The following SLX4IP variants were observed in gnomAD, a reference collection of about 807,000 sequenced individuals.
SLX4IP encodes the protein protein SLX4IP.
A neutral mutation model predicts 32.9 loss-of-function variants in SLX4IP; 34 were observed. The observed-to-expected ratio is 1.03, with a 90% CI of 0.79 to 1.38. The LOEUF is 1.38. SLX4IP is among the 40% of genes most tolerant of loss of function. The pLI, the probability that SLX4IP is intolerant of heterozygous loss-of-function variation, is 0.00. For missense variants in SLX4IP, 444 were observed against 479.0 expected (o/e 0.93, Z 0.68); for synonymous variants, 172 against 171.7 (o/e 1.00, Z -0.01).
chr20:10,591,645 C>G (rs2066711278), intron 4 of SLX4IP, among the ~76,000 whole-genome samples: 1 of 152,098 alleles, frequency 6.6e-6, no homozygotes, highest in African/African-American at 2.4e-5. Context: ...TATAAGTACA[C>G]AGTATTATAT....
At chr20:10,555,984 A>C (rs749940644) in intron 2 of SLX4IP, among the ~76,000 whole-genome samples, 11 of 152,192 alleles carry the variant, frequency 7.2e-5, no homozygotes, top group Non-Finnish European at 1.5e-4. Context: ...GCCCAGAGAC[A>C]GATATTTTGT....
intron 1 of SLX4IP, among the ~76,000 whole-genome samples, chr20:10,436,038 A>ATT (rs5840375): frequency 2.8e-4 from 43 of 151,512 alleles, no homozygotes; most frequent in Middle Eastern, 3.4e-3. Flanking sequence ...CCCCTGAACT[A>ATT]TTTTTTTTTA....
chr20:10,529,653 T>A (rs569155998), intron 2 of SLX4IP, among the ~76,000 whole-genome samples: 21 of 151,946 alleles, frequency 1.4e-4, no homozygotes, highest in African/African-American at 4.6e-4. Flanking sequence ...TCTTTTTTTT[T>A]AAATCCTACT....
chr20:10,553,324 T>C (rs974655772), intron 2 of SLX4IP, among the ~76,000 whole-genome samples: 6 of 152,238 alleles, frequency 3.9e-5, no homozygotes, highest in African/African-American at 1.4e-4. Flanking sequence ...AATGCCTTAA[T>C]AAACAAGGAC....
chr20:10,464,914 TACGTAGC>T (rs2065367409), intron 2 of SLX4IP, among the ~76,000 whole-genome samples: 1 of 152,148 alleles, frequency 6.6e-6, no homozygotes, highest in Non-Finnish European at 1.5e-5. Flanking sequence ...CTTGGCCTCC[TACGTAGC>T]TGGGACTACA....
chr20:10,623,458 G>C lies in SLX4IP; in HGVS notation c.*79G>C. 1.3e-6 allele frequency: 2 copies of C among 1,504,036 alleles called. No homozygotes were observed. Among genetic ancestry groups the C allele is most frequent in the South Asian group, 1.4e-5 (1 of 73,500 alleles). The allele number at this position is 1,504,036 out of a possible 1,614,324, so 93.2% of individuals were successfully genotyped here. On this transcript the variant is annotated 3_prime_UTR_variant, in exon 8 of 8. Coordinates refer to ENST00000334534, the MANE Select transcript of SLX4IP (RefSeq NM_001009608.3). ...CAAGAGAGCTGCGAATATAGATGCC[G>C]GGATTTTAAAGGAATTAATTAGAAT...
intron 2 of SLX4IP, among the ~76,000 whole-genome samples, chr20:10,462,189 C>T (rs1447019135): frequency 6.6e-6 from 1 of 151,858 alleles, no homozygotes. Context: ...AGGAGAAAAC[C>T]ACAAGAAAAT....
intron 1 of SLX4IP, 81 bp downstream of exon 1, chr20:10,435,534 T>C (rs758822947): frequency 1.3e-5 from 2 of 152,294 alleles, no homozygotes; most frequent in Admixed American, 6.5e-5. Flanking sequence ...CTCCTGGTTT[T>C]TGGCTTTGAT....
chr20:10,460,851 ATCTG>A (rs1304035789), intron 2 of SLX4IP, among the ~76,000 whole-genome samples: 1 of 152,134 alleles, frequency 6.6e-6, no homozygotes, highest in South Asian at 2.1e-4. Flanking sequence ...CTTCTTGGTT[ATCTG>A]TCTTTCTTCT....
chr20:10,459,906 A>G (rs2065322178), intron 2 of SLX4IP, among the ~76,000 whole-genome samples: 2 of 152,362 alleles, frequency 1.3e-5, no homozygotes, highest in East Asian at 1.9e-4. Context: ...TAGTCTTACC[A>G]TAAGTGCAAG....
chr20:10,538,673 A>G (rs771444017), intron 2 of SLX4IP, among the ~76,000 whole-genome samples: 13 of 151,900 alleles, frequency 8.6e-5, no homozygotes, highest in Non-Finnish European at 1.6e-4. Flanking sequence ...CTACATGTGC[A>G]TGTCACCATG....
chr20:10,487,150 C>A (rs1461341092), intron 2 of SLX4IP, among the ~76,000 whole-genome samples: 1 of 152,104 alleles, frequency 6.6e-6, no homozygotes. Context: ...ACAAAAACAA[C>A]AACAACAAAA....
At chr20:10,539,902 G>A (rs1346639278) in intron 2 of SLX4IP, among the ~76,000 whole-genome samples, 1 of 152,146 alleles carries the variant, frequency 6.6e-6, no homozygotes, top group Non-Finnish European at 1.5e-5. Context: ...TGCCAGGGTT[G>A]CAAACCACTC....
At chr20:10,457,825 C>T (rs182612415) in intron 1 of SLX4IP, among the ~76,000 whole-genome samples, 1 of 150,930 alleles carries the variant, frequency 6.6e-6, no homozygotes, top group Admixed American at 6.6e-5. Flanking sequence ...GCCATCTGAG[C>T]CTGTGCTTTT....
chr20:10,525,681 T>G (rs900522865), intron 2 of SLX4IP, among the ~76,000 whole-genome samples: 2 of 152,198 alleles, frequency 1.3e-5, no homozygotes, highest in African/African-American at 4.8e-5. Context: ...TTCCAAGAAA[T>G]ATTTTCCCAC....
At chr20:10,581,487 T>G (rs1455191014) in intron 4 of SLX4IP, among the ~76,000 whole-genome samples, 2 of 152,164 alleles carry the variant, frequency 1.3e-5, no homozygotes, top group African/African-American at 4.8e-5. Context: ...TTATTACCCT[T>G]GATTGTGTGG....
chr20:10,508,234 C>G (rs76102321), intron 2 of SLX4IP, among the ~76,000 whole-genome samples: 1 of 152,198 alleles, frequency 6.6e-6, no homozygotes, highest in Non-Finnish European at 1.5e-5. Context: ...GCCTACTTGG[C>G]GAGCACCTAG....
At chr20:10,544,824 A>G (rs1034218080) in intron 2 of SLX4IP, among the ~76,000 whole-genome samples, 1 of 152,062 alleles carries the variant, frequency 6.6e-6, no homozygotes, top group Non-Finnish European at 1.5e-5. Flanking sequence ...CTGTTGTATT[A>G]CATGGTGAAA....
chr20:10,623,114 G>A lies in SLX4IP; in HGVS notation c.962G>A (p.Arg321Lys). 1 of 1,614,206 alleles carries A rather than the reference G, an allele frequency of 6.2e-7. No homozygotes were observed. Among genetic ancestry groups the A allele is most frequent in the Non-Finnish European group, 8.5e-7 (1 of 1,180,048 alleles). The change falls in exon 8 of 8, where the codon AGA becomes AAA. Residue 321 changes from arginine to lysine, a missense_variant. Coordinates refer to ENST00000334534, the MANE Select transcript of SLX4IP (RefSeq NM_001009608.3). ...VSLGSDRLVP[R>K]EIIVEKSKAV... is the part of the protein sequence containing the mutation. ...CTTGGAAGTGATCGATTAGTCCCGA[G>A]AGAAATAATAGTGGAAAAAAGCAAA...
Sources: gnomAD v4.1 joint callset for allele counts (sites outside exome capture counted in the v4.1 genomes callset) on GRCh38, gnomAD v4.1.1 for gene constraint, MANE v1.5 for transcripts, NCBI Gene and HGNC (gene_info 2026-07-23, HGNC 2026-07-21) for gene names.